The following GRM8 variants were observed in gnomAD, a reference collection of about 807,000 sequenced individuals.
The protein encoded by GRM8 is glutamate metabotropic receptor 8.
In GRM8, 47 loss-of-function variants were observed where a neutral mutation model predicts 87.2. The ratio of observed to expected loss-of-function variants is 0.54; its 90% CI spans 0.43 to 0.69. The LOEUF is 0.69. Among genes scored for constraint, GRM8 ranks in the 30% least tolerant of loss-of-function variants. The pLI is 0.00. For missense variants in GRM8, 1,019 were observed against 1,139.2 expected (o/e 0.89, Z 1.52); for synonymous variants, 396 against 404.5 (o/e 0.98, Z 0.25).
chr7:126,956,633 CT>C (rs1291509463), intron 3 of GRM8, among the ~76,000 whole-genome samples: 2 of 152,206 alleles, frequency 1.3e-5, no homozygotes, highest in African/African-American at 4.8e-5. Flanking sequence ...TATCCCTCCC[CT>C]CTCCCCCTTA....
chr7:126,797,129 C>T (rs1049599329), intron 6 of GRM8, among the ~76,000 whole-genome samples: 3 of 152,062 alleles, frequency 2.0e-5, no homozygotes, highest in Admixed American at 1.3e-4. Context: ...TGAAAGCTTC[C>T]TATCCCCACC....
chr7:126,473,726 G>T (rs1805573736), intron 9 of GRM8, among the ~76,000 whole-genome samples: 1 of 152,142 alleles, frequency 6.6e-6, no homozygotes, highest in South Asian at 2.1e-4. Context: ...TTGAATTATA[G>T]CTCCCACAGT....
chr7:126,885,513 A>T (rs1800407226), intron 6 of GRM8, among the ~76,000 whole-genome samples: 1 of 152,112 alleles, frequency 6.6e-6, no homozygotes, highest in Non-Finnish European at 1.5e-5. Flanking sequence ...CCCTAGCCAG[A>T]CCTAACTCAG....
chr7:127,200,732 T>C (rs6956914), intron 2 of GRM8, among the ~76,000 whole-genome samples: 29,440 of 152,224 alleles, frequency 0.19, 3,206 homozygotes, highest in Non-Finnish European at 0.25. Flanking sequence ...TGTGTGTGTG[T>C]TTTCTCTTCT....
intron 2 of GRM8, among the ~76,000 whole-genome samples, chr7:127,118,493 T>C (rs1826834602): frequency 6.6e-6 from 1 of 152,208 alleles, no homozygotes; most frequent in African/African-American, 2.4e-5. Flanking sequence ...TAAGCCTTCT[T>C]TATGTGTCGT....
chr7:127,152,359 T>C (rs1048429779), intron 2 of GRM8, among the ~76,000 whole-genome samples: 3 of 152,096 alleles, frequency 2.0e-5, no homozygotes, highest in Admixed American at 2.0e-4. Flanking sequence ...ATGATGGTGG[T>C]GGTGGTTAAC....
Position 126,769,982 on chromosome 7 carries a change from A to AT in GRM8, c.1239_1240insA (p.Tyr414IlefsTer25). 1 of 1,612,136 alleles carries AT rather than the reference A, an allele frequency of 6.2e-7. No individual in the cohort carries two copies. Reference sequence around the variant, plus strand: ...TCTTTGTGCATATTGTGCAGGGCGTAAGCCATGGAATATACAGCATCAATT... The same window carrying AT: ...TCTTTGTGCATATTGTGCAGGGCGTATAGCCATGGAATATACAGCATCAATT... On this transcript the variant is annotated frameshift_variant, in exon 7 of 11. Coordinates refer to ENST00000339582, the MANE Select transcript of GRM8 (RefSeq NM_000845.3). LOFTEE classifies it high-confidence loss of function.
intron 7 of GRM8, among the ~76,000 whole-genome samples, chr7:126,682,814 G>T (rs1807752436): frequency 6.6e-6 from 1 of 152,214 alleles, no homozygotes; most frequent in Non-Finnish European, 1.5e-5. Flanking sequence ...ACTTTGGGAG[G>T]TCGAGGCAGG....
intron 2 of GRM8, among the ~76,000 whole-genome samples, chr7:127,119,490 T>G (rs1826900747): frequency 6.6e-6 from 1 of 150,976 alleles, no homozygotes; most frequent in Admixed American, 6.6e-5. Context: ...TGTCTCTCTC[T>G]CTCTCTCTCT....
At chr7:127,191,973 T>C (rs10232087) in intron 2 of GRM8, among the ~76,000 whole-genome samples, 2,170 of 152,304 alleles carry the variant, frequency 0.014, 44 homozygotes, top group African/African-American at 0.048. Context: ...TATGTCATAT[T>C]TATTACAACT....
intron 7 of GRM8, among the ~76,000 whole-genome samples, chr7:126,726,449 C>T (rs753942422): frequency 6.6e-6 from 1 of 152,070 alleles, no homozygotes; most frequent in Non-Finnish European, 1.5e-5. Context: ...TGCTGATGAG[C>T]GGGTCCCTGC....
intron 8 of GRM8, among the ~76,000 whole-genome samples, chr7:126,536,781 G>T (rs1815794274): frequency 6.6e-6 from 1 of 151,962 alleles, no homozygotes; most frequent in Admixed American, 6.6e-5. Context: ...AAACAAAATT[G>T]CATTTTGTTG....
At chr7:127,066,966 G>A (rs1190235754) in intron 3 of GRM8, among the ~76,000 whole-genome samples, 1 of 152,210 alleles carries the variant, frequency 6.6e-6, no homozygotes, top group East Asian at 1.9e-4. Flanking sequence ...GCTCAGAGAG[G>A]CCAAGTGGTT....
intron 6 of GRM8, among the ~76,000 whole-genome samples, chr7:126,802,054 A>T (rs1384298809): frequency 6.6e-6 from 1 of 152,212 alleles, no homozygotes; most frequent in Non-Finnish European, 1.5e-5. Flanking sequence ...AGCACTTTTT[A>T]AAATTAGCAA....
At chr7:127,183,289 C>T (rs545370177) in intron 2 of GRM8, among the ~76,000 whole-genome samples, 2 of 151,840 alleles carry the variant, frequency 1.3e-5, no homozygotes, top group Admixed American at 1.3e-4. Context: ...CAAGATAGAA[C>T]ATTATGGATC....
At chr7:126,645,385 T>C (rs564447721) in intron 7 of GRM8, among the ~76,000 whole-genome samples, 1 of 152,332 alleles carries the variant, frequency 6.6e-6, no homozygotes, top group Non-Finnish European at 1.5e-5. Flanking sequence ...ACTGGCCCCA[T>C]GGCCCCACCC....
intron 2 of GRM8, among the ~76,000 whole-genome samples, chr7:127,208,834 A>G (rs971074154): frequency 6.6e-6 from 1 of 152,202 alleles, no homozygotes; most frequent in Non-Finnish European, 1.5e-5. Context: ...GTTTTCAGTC[A>G]TATCATTACA....
chr7:126,747,544 T>A (rs1353612261), intron 7 of GRM8, among the ~76,000 whole-genome samples: 1 of 152,130 alleles, frequency 6.6e-6, no homozygotes, highest in East Asian at 1.9e-4. Context: ...AATGACTCTC[T>A]TTTGCCTACA....
intron 6 of GRM8, among the ~76,000 whole-genome samples, chr7:126,804,799 T>C (rs897975042): frequency 2.6e-5 from 4 of 152,222 alleles, no homozygotes; most frequent in Admixed American, 1.3e-4. Flanking sequence ...TAACTACATC[T>C]AGCTTCTGTT....
Sources: gnomAD v4.1 joint callset for allele counts (sites outside exome capture counted in the v4.1 genomes callset) on GRCh38, gnomAD v4.1.1 for gene constraint, MANE v1.5 for transcripts, NCBI Gene and HGNC (gene_info 2026-07-23, HGNC 2026-07-21) for gene names.